The following ATXN2 variants were observed in gnomAD, a reference collection of about 807,000 sequenced individuals.
ATXN2 encodes ataxin 2.
ATXN2 carries 37 observed loss-of-function variants against 138.6 expected under a neutral mutation model. The ratio of observed to expected loss-of-function variants is 0.27; its 90% CI spans 0.21 to 0.35. The LOEUF is 0.35. ATXN2 is among the 10% of genes least tolerant of loss of function. The probability of loss-of-function intolerance (pLI) is 1.00; values close to 1 mark genes in which losing one functional copy is unlikely to be tolerated. For synonymous variants in ATXN2, 549 were observed against 543.7 expected (o/e 1.01, Z -0.13); for missense variants, 1,216 against 1,480.3 (o/e 0.82, Z 2.93).
At chr12:111,478,877 T>A (rs1244594671) in intron 18 of ATXN2, among the ~76,000 whole-genome samples, 5 of 150,850 alleles carry the variant, frequency 3.3e-5, no homozygotes, top group Non-Finnish European at 5.9e-5. Flanking sequence ...GGCATGGTGG[T>A]GCGCGCCTGT....
At chr12:111,550,729 C>T (rs1340082098) in intron 5 of ATXN2, among the ~76,000 whole-genome samples, 1 of 152,092 alleles carries the variant, frequency 6.6e-6, no homozygotes, top group South Asian at 2.1e-4. Flanking sequence ...GATTCAAAAA[C>T]AGAACACTGT....
At chr12:111,539,956 G>A (rs1881409305) in intron 5 of ATXN2, among the ~76,000 whole-genome samples, 1 of 150,038 alleles carries the variant, frequency 6.7e-6, no homozygotes. Context: ...TTAGGTTAAG[G>A]AAAAGTCAGT....
intron 5 of ATXN2, among the ~76,000 whole-genome samples, chr12:111,547,900 T>C (rs73412478): frequency 0.097 from 13,985 of 144,292 alleles, 2,310 homozygotes; most frequent in African/African-American, 0.34. Flanking sequence ...TTAACAACCA[T>C]GGAACTTACT....
chr12:111,574,308 CAAA>C (rs997437123), intron 1 of ATXN2, among the ~76,000 whole-genome samples: 3 of 32,584 alleles, frequency 9.2e-5, no homozygotes, highest in African/African-American at 9.8e-5. Flanking sequence ...ACTCTGTCTC[CAAA>C]AAAAAAAAAA....
intron 15 of ATXN2, among the ~76,000 whole-genome samples, chr12:111,487,305 T>C (rs1024576850): frequency 1.3e-5 from 2 of 152,074 alleles, no homozygotes; most frequent in African/African-American, 4.8e-5. Flanking sequence ...CACGCTGACC[T>C]TAAGTGATCT....
rs958223055 is a variant in ATXN2 at position 111,581,258 on chromosome 12, G to A, written c.251+17526C>T. 3.1e-5 allele frequency: 12 copies of A among 382,366 alleles called. No individual in the cohort carries two copies. In the East Asian group the frequency reaches 4.9e-4, roughly 16 times the overall value. The allele number at this position is 382,366 out of a possible 1,614,324, so 23.7% of individuals were successfully genotyped here. A position where few individuals can be genotyped will look rare whatever the true frequency, so the allele number is the denominator to read the frequency against. ...CCTCTTGGTCTCAATTTCTTCACCC[G>A]TAAATAGAATGAGTACTAAAAAACC... is the stretch of plus-strand genomic sequence containing the variant. On this transcript the variant is annotated intron_variant, in intron 1 of 24. Transcript: ENST00000673436.
intron 1 of ATXN2, among the ~76,000 whole-genome samples, chr12:111,592,201 C>T (rs1884702679): frequency 1.3e-5 from 2 of 151,898 alleles, no homozygotes; most frequent in African/African-American, 4.8e-5. Flanking sequence ...AGCAGCCTGG[C>T]CAACATGGTG....
intron 1 of ATXN2, among the ~76,000 whole-genome samples, chr12:111,565,481 T>G (rs1012528200): frequency 1.3e-5 from 2 of 152,216 alleles, no homozygotes; most frequent in African/African-American, 4.8e-5. Flanking sequence ...TATTTTACAA[T>G]TGTAAATAAT....
At chr12:111,502,373 A>T (rs1017434219) in intron 14 of ATXN2, among the ~76,000 whole-genome samples, 3 of 152,098 alleles carry the variant, frequency 2.0e-5, no homozygotes, top group Admixed American at 2.0e-4. Context: ...GGAATATAGC[A>T]CTCTGCTGTA....
At chr12:111,590,192 T>A (rs1398030019) in intron 1 of ATXN2, among the ~76,000 whole-genome samples, 2 of 151,988 alleles carry the variant, frequency 1.3e-5, no homozygotes, top group African/African-American at 4.8e-5. Flanking sequence ...CCAGACTGGG[T>A]GACAGAGTGA....
upstream of ATXN2, chr12:111,599,634 C>T (rs935423031): frequency 3.7e-6 from 4 of 1,081,242 alleles, no homozygotes; most frequent in African/African-American, 1.7e-5. Flanking sequence ...CCGGGAGGGA[C>T]ACGTGAGGAG....
chr12:111,536,030 TGA>T (rs1464373926), intron 5 of ATXN2, among the ~76,000 whole-genome samples: 3 of 147,686 alleles, frequency 2.0e-5, no homozygotes, highest in African/African-American at 5.0e-5. Context: ...TGGGAAATAA[TGA>T]GAGATAAGGT....
intron 5 of ATXN2, among the ~76,000 whole-genome samples, chr12:111,544,083 A>G (rs1345779335): frequency 1.3e-5 from 2 of 152,158 alleles, no homozygotes; most frequent in Non-Finnish European, 2.9e-5. Context: ...TTTCTTTAAA[A>G]AAAAGAAAAA....
rs1408213035 is a variant in ATXN2 at position 111,469,450 on chromosome 12, TTC to T, written c.2842+656_2842+657del. On this transcript the variant is annotated intron_variant, in intron 20 of 24. Coordinates refer to ENST00000673436, the MANE Select transcript of ATXN2 (RefSeq NM_001372574.1). ...AGCTGCTAAGTTGATCTACACAAAT[TTC>T]TCTGTTTAGTCACAAAACGAAGATG... The T allele has an allele frequency of 4.6e-5, 7 of 152,342 alleles. No homozygotes were observed. The East Asian group carries it at 7.7e-4, about 17-fold the overall frequency. 9.4% of individuals were successfully genotyped at this position (152,342 alleles called of 1,614,324 possible).
chr12:111,498,230 A>G (rs768542979), intron 14 of ATXN2, among the ~76,000 whole-genome samples: 14 of 152,232 alleles, frequency 9.2e-5, no homozygotes, highest in Non-Finnish European at 1.9e-4. Context: ...GAGCAATCAG[A>G]CAACAGAAAG....
At chr12:111,580,430 C>G (rs763641464) in intron 1 of ATXN2, among the ~76,000 whole-genome samples, 1 of 150,520 alleles carries the variant, frequency 6.6e-6, no homozygotes, top group Non-Finnish European at 1.5e-5. Context: ...CCCAAGAATT[C>G]GAGGTTACAC....
At chr12:111,548,560 C>A (rs1881956143) in intron 5 of ATXN2, among the ~76,000 whole-genome samples, 1 of 152,170 alleles carries the variant, frequency 6.6e-6, no homozygotes, top group African/African-American at 2.4e-5. Context: ...CAATTCATAT[C>A]TTTTAGGAAA....
intron 1 of ATXN2, among the ~76,000 whole-genome samples, chr12:111,588,642 A>T (rs1884466186): frequency 6.6e-6 from 1 of 151,850 alleles, no homozygotes; most frequent in South Asian, 2.1e-4. Context: ...GAAAAAAAAA[A>T]AGTTAAGGTT....
rs1159008748 is a variant in ATXN2 at position 111,488,626 on chromosome 12, C to G, written c.2090G>C (p.Ser697Thr). 6.2e-7 allele frequency: 1 copy of G among 1,614,176 alleles called. No individual in the cohort carries two copies. Among genetic ancestry groups the G allele is most frequent in the Admixed American group, 1.7e-5 (1 of 60,014 alleles). Residue 697 changes from serine to threonine, a missense_variant, in exon 15 of 25, where the codon AGC becomes ACC. Ser to Thr is a moderately conservative substitution (Grantham distance 58). Coordinates refer to ENST00000673436, the MANE Select transcript of ATXN2 (RefSeq NM_001372574.1). ...GGAAATGCTGGGGCTATTCGGCTTG[C>G]TGCTGCCACTGGTACAGTTGCTGCT... ...NSSSNCTSGS[S>T]KPNSPSISPS...
Sources: allele counts gnomAD v4.1 joint callset (sites outside exome capture counted in the v4.1 genomes callset), GRCh38; gene constraint gnomAD v4.1.1; transcripts MANE v1.5; gene names NCBI Gene and HGNC (gene_info 2026-07-23, HGNC 2026-07-21).